The following FSTL5 variants were observed in gnomAD, a reference collection of about 807,000 sequenced individuals.
FSTL5 encodes follistatin-related protein 5.
Under a neutral mutation model 89.1 loss-of-function variants are expected in FSTL5, and 62 were observed. The ratio of observed to expected loss-of-function variants is 0.70; its 90% CI spans 0.57 to 0.86. The LOEUF is 0.86. FSTL5 is among the 40% of genes least tolerant of loss of function. The probability of loss-of-function intolerance (pLI) is 0.00; values close to 1 mark genes in which losing one functional copy is unlikely to be tolerated. For missense variants in FSTL5, 1,057 were observed against 1,001.6 expected, an observed-to-expected ratio of 1.06 and a Z score of -0.75; for synonymous variants, 383 against 346.2, an observed-to-expected ratio of 1.11 and a Z score of -1.18.
intron 13 of FSTL5, among the ~76,000 whole-genome samples, chr4:161,475,943 C>T (rs112789363): frequency 7.9e-5 from 12 of 151,904 alleles, no homozygotes; most frequent in South Asian, 4.2e-4. Flanking sequence ...TTAGTAGAGA[C>T]GGGGTTCCAC....
At chr4:162,032,087 G>A (rs1737551833) in intron 3 of FSTL5, among the ~76,000 whole-genome samples, 1 of 151,942 alleles carries the variant, frequency 6.6e-6, no homozygotes, top group Admixed American at 6.6e-5. Flanking sequence ...GATAGTAGTT[G>A]GAAAAACATA....
intron 7 of FSTL5, among the ~76,000 whole-genome samples, chr4:161,619,706 T>C (rs1578972862): frequency 1.3e-5 from 2 of 151,986 alleles, no homozygotes; most frequent in East Asian, 1.9e-4. Context: ...CTGGAGAGGA[T>C]GTGGAGAAAT....
At chr4:161,593,183 G>A (rs997316380) in intron 7 of FSTL5, among the ~76,000 whole-genome samples, 1 of 152,084 alleles carries the variant, frequency 6.6e-6, no homozygotes, top group Non-Finnish European at 1.5e-5. Context: ...TTTGTAAAAT[G>A]TAAATACTTG....
At chr4:161,660,931 A>G (rs1167508280) in intron 6 of FSTL5, among the ~76,000 whole-genome samples, 3 of 152,124 alleles carry the variant, frequency 2.0e-5, no homozygotes, top group African/African-American at 7.2e-5. Flanking sequence ...GCTGCAATGA[A>G]CTTTAATTCG....
chr4:161,416,135 TTTGTCGTTA>T (rs2110952136), intron 15 of FSTL5, among the ~76,000 whole-genome samples: 2 of 152,236 alleles, frequency 1.3e-5, no homozygotes, highest in Non-Finnish European at 2.9e-5. Context: ...AACACATAAT[TTTGTCGTTA>T]TTATCCCAAG....
chr4:161,621,301 CACACAA>C (rs370318546), intron 7 of FSTL5, among the ~76,000 whole-genome samples: 15 of 144,632 alleles, frequency 1.0e-4, no homozygotes, highest in South Asian at 8.5e-4. Context: ...CACACACACA[CACACAA>C]ACACAAAATT....
At chr4:161,733,868 T>A (rs1739699163) in intron 6 of FSTL5, among the ~76,000 whole-genome samples, 1 of 152,108 alleles carries the variant, frequency 6.6e-6, no homozygotes, top group Non-Finnish European at 1.5e-5. Context: ...TAGGGAGTTG[T>A]AGGAGTTATC....
chr4:161,714,127 C>T (rs1039665148), intron 6 of FSTL5, among the ~76,000 whole-genome samples: 8 of 152,004 alleles, frequency 5.3e-5, no homozygotes, highest in African/African-American at 1.7e-4. Flanking sequence ...TGAATTGTTT[C>T]CTTTCTCAAA....
intron 4 of FSTL5, among the ~76,000 whole-genome samples, chr4:161,779,390 T>G (rs6840765): frequency 0.73 from 111,450 of 151,932 alleles, 40,931 homozygotes; most frequent in Non-Finnish European, 0.76. Context: ...GACTTTTTAG[T>G]TATAAATATG....
At chr4:162,018,172 G>A (rs556046073) in intron 3 of FSTL5, among the ~76,000 whole-genome samples, 65 of 152,210 alleles carry the variant, frequency 4.3e-4, no homozygotes, top group African/African-American at 1.5e-3. Context: ...ATTTTCCTAG[G>A]GGGTAAATGG....
At chr4:162,074,264 T>C (rs1166540434) in intron 2 of FSTL5, among the ~76,000 whole-genome samples, 2 of 151,854 alleles carry the variant, frequency 1.3e-5, no homozygotes, top group African/African-American at 4.8e-5. Flanking sequence ...TTTTGTATAA[T>C]CATGGATATG....
chr4:161,800,259 ATATAGT>A (rs1729752537), intron 4 of FSTL5, among the ~76,000 whole-genome samples: 3 of 151,664 alleles, frequency 2.0e-5, no homozygotes, highest in African/African-American at 7.2e-5. Flanking sequence ...AATGGGATAA[ATATAGT>A]TATACAAAAC....
chr4:161,767,740 C>A (rs891956632), intron 5 of FSTL5, among the ~76,000 whole-genome samples: 1 of 152,008 alleles, frequency 6.6e-6, no homozygotes, highest in Non-Finnish European at 1.5e-5. Context: ...TGAAATAGGA[C>A]GATTCAGAGT....
chr4:162,100,966 G>T (rs187235061), intron 2 of FSTL5, among the ~76,000 whole-genome samples: 1 of 152,310 alleles, frequency 6.6e-6, no homozygotes, highest in Non-Finnish European at 1.5e-5. Flanking sequence ...GATACTTATT[G>T]TTGGGTGCTT....
chr4:161,829,926 A>G (rs1201464831), intron 4 of FSTL5, among the ~76,000 whole-genome samples: 1 of 152,092 alleles, frequency 6.6e-6, no homozygotes, highest in African/African-American at 2.4e-5. Flanking sequence ...AGGAAAGAGC[A>G]ACCCTTAAGT....
chr4:161,764,231 C>A (rs1251854299), intron 5 of FSTL5, among the ~76,000 whole-genome samples: 2 of 152,114 alleles, frequency 1.3e-5, no homozygotes, highest in African/African-American at 4.8e-5. Context: ...TTATATATAA[C>A]AAATGCTATC....
chr4:161,953,147 C>T (rs1009266240), intron 3 of FSTL5, among the ~76,000 whole-genome samples: 1 of 151,600 alleles, frequency 6.6e-6, no homozygotes, highest in Non-Finnish European at 1.5e-5. Flanking sequence ...CTAAGTAGGT[C>T]CTTCAGAGCA....
chr4:161,570,639 T>C (rs1732972591), intron 8 of FSTL5, among the ~76,000 whole-genome samples: 1 of 152,224 alleles, frequency 6.6e-6, no homozygotes, highest in Non-Finnish European at 1.5e-5. Context: ...GAAAAATTCC[T>C]AATAGTTCAG....
chr4:162,137,511 G>A (rs368615890), intron 1 of FSTL5, among the ~76,000 whole-genome samples: 13 of 152,130 alleles, frequency 8.5e-5, no homozygotes, highest in African/African-American at 2.9e-4. Flanking sequence ...AACCACATCT[G>A]AAATTTGTCC....
Sources: allele counts gnomAD v4.1 joint callset (sites outside exome capture counted in the v4.1 genomes callset), GRCh38; gene constraint gnomAD v4.1.1; transcripts MANE v1.5; gene names NCBI Gene and HGNC (gene_info 2026-07-23, HGNC 2026-07-21).